Variants in SORCS1 observed in about 807,000 individuals in gnomAD.
The protein encoded by SORCS1 is VPS10 domain-containing receptor SorCS1.
Under a neutral mutation model 146.1 loss-of-function variants are expected in SORCS1, and 60 were observed. The observed-to-expected ratio is 0.41, with a 90% confidence interval of 0.33 to 0.51. The LOEUF (loss-of-function observed/expected upper bound fraction) is 0.51. Among genes scored for constraint, SORCS1 ranks in the 20% least tolerant of loss-of-function variants. The probability of loss-of-function intolerance (pLI) is 0.21; values close to 1 mark genes in which losing one functional copy is unlikely to be tolerated. For missense variants in SORCS1, 1,352 were observed against 1,487.6 expected, an observed-to-expected ratio of 0.91 and a Z score of 1.50; for synonymous variants, 637 against 584.0, an observed-to-expected ratio of 1.09 and a Z score of -1.31.
At chr10:106,985,272 C>A (rs759010128) in intron 1 of SORCS1, among the ~76,000 whole-genome samples, 8 of 152,142 alleles carry the variant, frequency 5.3e-5, no homozygotes, top group Non-Finnish European at 1.2e-4. Context: ...CCATGCATAT[C>A]CTCCAATGAC....
intron 5 of SORCS1, among the ~76,000 whole-genome samples, chr10:106,737,402 C>T (rs1341637697): frequency 6.6e-6 from 1 of 150,810 alleles, no homozygotes; most frequent in Non-Finnish European, 1.5e-5. Flanking sequence ...CTTTTATGCC[C>T]CCTCTTTGTC....
intron 4 of SORCS1, among the ~76,000 whole-genome samples, chr10:106,762,657 A>G (rs1859225787): frequency 6.6e-6 from 1 of 151,840 alleles, no homozygotes; most frequent in South Asian, 2.1e-4. Flanking sequence ...TCGGCCTCCC[A>G]AAGCGCTGGG....
At chr10:106,879,887 A>T (rs1373050616) in intron 2 of SORCS1, among the ~76,000 whole-genome samples, 1 of 152,340 alleles carries the variant, frequency 6.6e-6, no homozygotes, top group East Asian at 1.9e-4. Context: ...ATACCTTAAC[A>T]TCAGCCTTGT....
chr10:106,776,808 T>G (rs1006642804), intron 3 of SORCS1, 116 bp from the exon 4 acceptor site: 1 of 1,079,214 alleles, frequency 9.3e-7, no homozygotes, highest in East Asian at 2.6e-5. Flanking sequence ...CAAAGAATGC[T>G]TGGCCAAACA....
intron 2 of SORCS1, among the ~76,000 whole-genome samples, chr10:106,853,841 C>T (rs1403886379): frequency 6.6e-6 from 1 of 151,828 alleles, no homozygotes; most frequent in Non-Finnish European, 1.5e-5. Context: ...CTATTTGCTT[C>T]AGTTTGTTAA....
At chr10:106,810,940 T>C (rs796301890) in intron 3 of SORCS1, among the ~76,000 whole-genome samples, 9 of 150,342 alleles carry the variant, frequency 6.0e-5, no homozygotes, top group African/African-American at 2.2e-4. Flanking sequence ...AAGGGTATAA[T>C]TTCTTTTTTT....
chr10:106,671,439 T>C (rs1851594414), intron 15 of SORCS1, 72 bp from the exon 16 acceptor site: 1 of 1,588,140 alleles, frequency 6.3e-7, no homozygotes, highest in East Asian at 2.2e-5. Flanking sequence ...TGAGTGACAT[T>C]TAGGGAGACA....
chr10:107,095,015 T>A (rs1301552927), intron 1 of SORCS1, among the ~76,000 whole-genome samples: 1 of 152,194 alleles, frequency 6.6e-6, no homozygotes, highest in African/African-American at 2.4e-5. Flanking sequence ...GACAGCTCTA[T>A]GCTGCTAACA....
At chr10:106,905,250 T>G (rs1389320178) in intron 2 of SORCS1, among the ~76,000 whole-genome samples, 2 of 152,150 alleles carry the variant, frequency 1.3e-5, no homozygotes, top group Admixed American at 1.3e-4. Flanking sequence ...TATTAAGCAT[T>G]AATGTATGAA....
At chr10:106,579,317 A>G in intron 25 of SORCS1, 52 bp downstream of exon 25, 1 of 1,614,030 alleles carries the variant, frequency 6.2e-7, no homozygotes, top group Non-Finnish European at 8.5e-7. Context: ...TGAACCTGTC[A>G]GGGAGAAGGA....
intron 22 of SORCS1, among the ~76,000 whole-genome samples, chr10:106,611,410 G>A (rs1846977467): frequency 6.6e-6 from 1 of 152,104 alleles, no homozygotes; most frequent in African/African-American, 2.4e-5. Flanking sequence ...TTAAAAAAAT[G>A]AGGAAATAGA....
Position 106,576,981 on chromosome 10 carries a change from G to T in SORCS1, c.*439C>A, listed in dbSNP as rs1369819703. ...CGATCAGAAAAAAGAGAGAGAAGAA[G>T]AAAGAGGGAGAGGGGAGTGTTTTCC... On this transcript the variant is annotated 3_prime_UTR_variant, in exon 26 of 26. Coordinates refer to ENST00000263054, the MANE Select transcript of SORCS1 (RefSeq NM_052918.5). The T allele has an allele frequency of 1.2e-5, 3 of 259,750 alleles. No individual in the cohort carries two copies. The highest frequency in any genetic ancestry group is 2.3e-5 in the African/African-American group (1 of 43,824). 16.1% of individuals were successfully genotyped at this position (259,750 alleles called of 1,614,324 possible).
At chr10:106,816,927 T>C (rs370168485) in intron 3 of SORCS1, among the ~76,000 whole-genome samples, 5 of 152,304 alleles carry the variant, frequency 3.3e-5, no homozygotes, top group African/African-American at 7.2e-5. Flanking sequence ...ATGGTAGTAA[T>C]TGACTGAGTC....
At chr10:106,745,637 T>A (rs962840082) in intron 5 of SORCS1, among the ~76,000 whole-genome samples, 1 of 152,186 alleles carries the variant, frequency 6.6e-6, no homozygotes, top group African/African-American at 2.4e-5. Context: ...TTGATACTTA[T>A]CCTGCCAGGA....
intron 6 of SORCS1, among the ~76,000 whole-genome samples, chr10:106,710,249 C>G (rs1854874835): frequency 6.6e-6 from 1 of 152,050 alleles, no homozygotes; most frequent in African/African-American, 2.4e-5. Context: ...GAGTTCACAA[C>G]CAGCCTGGCC....
intron 1 of SORCS1, among the ~76,000 whole-genome samples, chr10:107,007,144 A>G (rs1256507525): frequency 6.6e-6 from 1 of 152,212 alleles, no homozygotes; most frequent in Non-Finnish European, 1.5e-5. Context: ...AATGTCTTCA[A>G]AAGGTTCATT....
intron 1 of SORCS1, among the ~76,000 whole-genome samples, chr10:107,055,190 T>C (rs2134076056): frequency 6.6e-6 from 1 of 152,296 alleles, no homozygotes. Context: ...CCTAGTTTCT[T>C]CTAGTTTATT....
chr10:106,614,771 G>A (rs987303125), intron 21 of SORCS1, among the ~76,000 whole-genome samples: 1 of 152,144 alleles, frequency 6.6e-6, no homozygotes, highest in African/African-American at 2.4e-5. Flanking sequence ...AGAATGGCAG[G>A]GAAACGTACT....
At chr10:106,905,801 A>G (rs1039923588) in intron 2 of SORCS1, among the ~76,000 whole-genome samples, 1 of 152,246 alleles carries the variant, frequency 6.6e-6, no homozygotes, top group African/African-American at 2.4e-5. Flanking sequence ...TATCAGAATG[A>G]TAAATGTTAT....
Sources: gnomAD v4.1 joint callset for allele counts (sites outside exome capture counted in the v4.1 genomes callset) on GRCh38, gnomAD v4.1.1 for gene constraint, MANE v1.5 for transcripts, NCBI Gene and HGNC (gene_info 2026-07-23, HGNC 2026-07-21) for gene names.